AUTS2: variants seen among roughly 807,000 people sequenced by gnomAD.
AUTS2 encodes the protein autism susceptibility gene 2 protein.
A neutral mutation model predicts 112.4 loss-of-function variants in AUTS2; 17 were observed. That is an observed-to-expected ratio of 0.15 (90% CI 0.10 to 0.23). The LOEUF (loss-of-function observed/expected upper bound fraction) is 0.23, where lower values mean the gene tolerates loss of function less well. Ranked by LOEUF, AUTS2 falls within the 10% of genes least tolerant of loss-of-function variation. The pLI is 1.00. For missense variants in AUTS2, 1,510 were observed against 1,701.6 expected (o/e 0.89, Z 1.98); for synonymous variants, 751 against 702.7 (o/e 1.07, Z -1.09).
chr7:70,156,903 A>C (rs1807801367), intron 4 of AUTS2, among the ~76,000 whole-genome samples: 1 of 123,202 alleles, frequency 8.1e-6, no homozygotes, highest in Non-Finnish European at 1.7e-5. Context: ...AAAAAAAAAA[A>C]AAAAAAAAAA....
chr7:70,531,343 G>C (rs539049447), intron 5 of AUTS2, among the ~76,000 whole-genome samples: 1 of 152,216 alleles, frequency 6.6e-6, no homozygotes, highest in African/African-American at 2.4e-5. Flanking sequence ...CAGGCCTGCA[G>C]ACAGCTAGAT....
At chr7:70,633,902 T>C (rs1333616107) in intron 5 of AUTS2, among the ~76,000 whole-genome samples, 3 of 152,192 alleles carry the variant, frequency 2.0e-5, no homozygotes, top group African/African-American at 7.2e-5. Flanking sequence ...CATTGTCGGA[T>C]GCTGGTGAAG....
At chr7:69,958,183 C>T (rs1213917340) in intron 2 of AUTS2, among the ~76,000 whole-genome samples, 2 of 152,142 alleles carry the variant, frequency 1.3e-5, no homozygotes, top group Admixed American at 6.5e-5. Context: ...CAATCCCGAC[C>T]TGGTATCTTT....
chr7:69,898,360 T>A (rs949393518), intron 1 of AUTS2, among the ~76,000 whole-genome samples: 1 of 152,204 alleles, frequency 6.6e-6, no homozygotes, highest in Non-Finnish European at 1.5e-5. Context: ...AGTGTGTGCA[T>A]CATTTCTCAC....
intron 2 of AUTS2, among the ~76,000 whole-genome samples, chr7:69,997,592 C>G (rs1174955600): frequency 6.6e-6 from 1 of 152,116 alleles, no homozygotes; most frequent in Non-Finnish European, 1.5e-5. Flanking sequence ...GTGAAGGCCT[C>G]AGGAAGTGTT....
chr7:70,703,651 G>A (rs908466915), intron 6 of AUTS2, among the ~76,000 whole-genome samples: 1 of 152,074 alleles, frequency 6.6e-6, no homozygotes, highest in Non-Finnish European at 1.5e-5. Flanking sequence ...TTCCTCCTAG[G>A]GTCTTGGGTT....
intron 1 of AUTS2, among the ~76,000 whole-genome samples, chr7:69,657,156 G>A (rs1235309493): frequency 6.6e-6 from 1 of 152,208 alleles, no homozygotes; most frequent in Admixed American, 6.5e-5. Context: ...CGGGCAGACA[G>A]TTGTGACAAT....
chr7:70,440,226 TAA>T (rs768717430), intron 5 of AUTS2, among the ~76,000 whole-genome samples: 85 of 92,766 alleles, frequency 9.2e-4, no homozygotes, highest in Admixed American at 1.3e-3. Flanking sequence ...GCCCTGTCTC[TAA>T]AAAAAAAAAA....
chr7:69,654,613 A>G (rs1795438574), intron 1 of AUTS2, among the ~76,000 whole-genome samples: 2 of 152,236 alleles, frequency 1.3e-5, no homozygotes, highest in African/African-American at 2.4e-5. Flanking sequence ...GATGCAATCA[A>G]GATTCAAACT....
intron 2 of AUTS2, among the ~76,000 whole-genome samples, chr7:70,053,258 G>T (rs1801834794): frequency 1.3e-5 from 2 of 152,026 alleles, no homozygotes; most frequent in African/African-American, 4.8e-5. Flanking sequence ...AGTGGGGAAG[G>T]TGTTCCTTAT....
chr7:70,000,498 G>C (rs753820207), intron 2 of AUTS2, among the ~76,000 whole-genome samples: 4 of 152,182 alleles, frequency 2.6e-5, no homozygotes, highest in African/African-American at 4.8e-5. Context: ...CCTAGTGAAA[G>C]TTAGAATACA....
intron 4 of AUTS2, among the ~76,000 whole-genome samples, chr7:70,350,351 T>A (rs1791691729): frequency 6.6e-6 from 1 of 152,224 alleles, no homozygotes; most frequent in Non-Finnish European, 1.5e-5. Flanking sequence ...ATTATTTCCT[T>A]CTCATGCTGC....
intron 5 of AUTS2, among the ~76,000 whole-genome samples, chr7:70,499,412 G>T (rs547000561): frequency 6.6e-6 from 1 of 152,324 alleles, no homozygotes; most frequent in East Asian, 1.9e-4. Context: ...GTCTAAGAGT[G>T]CAGTCCTCCA....
At chr7:69,951,191 C>T (rs927651131) in intron 2 of AUTS2, among the ~76,000 whole-genome samples, 2 of 152,032 alleles carry the variant, frequency 1.3e-5, no homozygotes, top group African/African-American at 4.8e-5. Flanking sequence ...TATAATTTGT[C>T]AACAGAACTT....
At chr7:69,770,584 C>CT (rs1788618265) in intron 1 of AUTS2, among the ~76,000 whole-genome samples, 1 of 152,098 alleles carries the variant, frequency 6.6e-6, no homozygotes, top group South Asian at 2.1e-4. Flanking sequence ...GTAGAGTGAG[C>CT]TACATGGAGT....
At chr7:70,450,562 T>C (rs940826837) in intron 5 of AUTS2, among the ~76,000 whole-genome samples, 6 of 152,158 alleles carry the variant, frequency 3.9e-5, no homozygotes, top group African/African-American at 1.4e-4. Context: ...GATGAGACTG[T>C]AAACATATGT....
At chr7:70,405,979 A>T (rs912414110) in intron 4 of AUTS2, among the ~76,000 whole-genome samples, 2 of 152,160 alleles carry the variant, frequency 1.3e-5, no homozygotes, top group Non-Finnish European at 2.9e-5. Flanking sequence ...TTTAGTAATT[A>T]TAGTGGTATT....
intron 4 of AUTS2, among the ~76,000 whole-genome samples, chr7:70,170,733 G>A (rs527248738): frequency 1.3e-5 from 2 of 151,494 alleles, no homozygotes; most frequent in East Asian, 2.0e-4. Context: ...TCACCTTGCC[G>A]AGTAGCTGAG....
chr7:70,078,953 G>A (rs988383962), intron 2 of AUTS2, among the ~76,000 whole-genome samples: 1 of 152,188 alleles, frequency 6.6e-6, no homozygotes, highest in African/African-American at 2.4e-5. Context: ...AACTGTTAAT[G>A]TCAAGACTAT....
Sources: gnomAD v4.1 joint callset for allele counts (sites outside exome capture counted in the v4.1 genomes callset) on GRCh38, gnomAD v4.1.1 for gene constraint, MANE v1.5 for transcripts, NCBI Gene and HGNC (gene_info 2026-07-23, HGNC 2026-07-21) for gene names.